The following AGBL1 variants were observed in gnomAD, a reference collection of about 807,000 sequenced individuals.
AGBL1 encodes cytosolic carboxypeptidase 4.
In AGBL1, 130 loss-of-function variants were observed where a neutral mutation model predicts 118.9. The ratio of observed to expected loss-of-function variants is 1.09; its 90% CI spans 0.95 to 1.26. AGBL1 has a LOEUF of 1.26. Among genes scored for constraint, AGBL1 ranks in the 50% most tolerant of loss-of-function variants. The probability of loss-of-function intolerance (pLI) is 0.00; values close to 1 mark genes in which losing one functional copy is unlikely to be tolerated. For missense variants in AGBL1, 1,584 were observed against 1,298.1 expected, an observed-to-expected ratio of 1.22 and a Z score of -3.38; for synonymous variants, 555 against 478.9, an observed-to-expected ratio of 1.16 and a Z score of -2.08.
chr15:86,724,376 A>T (rs2086787987), intron 22 of AGBL1, among the ~76,000 whole-genome samples: 1 of 151,668 alleles, frequency 6.6e-6, no homozygotes, highest in African/African-American at 2.4e-5. Context: ...GTGGATCTTG[A>T]AGTCCTCAAG....
chr15:86,231,564 G>T (rs1217101647), intron 6 of AGBL1, among the ~76,000 whole-genome samples: 1 of 152,226 alleles, frequency 6.6e-6, no homozygotes, highest in African/African-American at 2.4e-5. Flanking sequence ...TATCCATCAC[G>T]CTGTTGGTTT....
rs891264669 is a variant in AGBL1 at position 86,143,782 on chromosome 15, G to C, written c.199G>C (p.Ala67Pro). The part of the protein sequence containing the change: ...LQTLVDTART[A>P]PPDYDILLPL... The stretch of plus-strand genomic sequence containing the variant: ...GACCCTGGTAGACACAGCGAGGACA[G>C]CTCCTCCAGACTATGACATCCTCCT... Residue 67 changes from alanine to proline, a missense_variant, in exon 3 of 23, where the codon GCT becomes CCT. Coordinates refer to ENST00000614907, the MANE Select transcript of AGBL1 (RefSeq NM_001386094.1). 6.2e-6 allele frequency: 10 copies of C among 1,613,820 alleles called. No homozygotes were observed. The highest frequency in any genetic ancestry group is 1.1e-5 in the South Asian group (1 of 91,088).
At chr15:86,513,497 C>T (rs1567033910) in intron 18 of AGBL1, among the ~76,000 whole-genome samples, 1 of 151,994 alleles carries the variant, frequency 6.6e-6, no homozygotes, top group Non-Finnish European at 1.5e-5. Context: ...ACTTCTCCAT[C>T]ATAAAGTTAC....
chr15:86,455,892 T>C (rs1815669595), intron 18 of AGBL1, among the ~76,000 whole-genome samples: 1 of 152,130 alleles, frequency 6.6e-6, no homozygotes, highest in Admixed American at 6.6e-5. Flanking sequence ...TCATAGCCAT[T>C]ACCCTATACT....
At chr15:86,253,170 T>A (rs1028316328) in intron 7 of AGBL1, among the ~76,000 whole-genome samples, 6 of 152,002 alleles carry the variant, frequency 3.9e-5, no homozygotes, top group African/African-American at 1.2e-4. Context: ...TGAGATTGAG[T>A]TGGAGTCATG....
At chr15:86,901,106 T>G (rs4300620) in intron 22 of AGBL1, among the ~76,000 whole-genome samples, 32,897 of 152,052 alleles carry the variant, frequency 0.22, 3,992 homozygotes, top group African/African-American at 0.32. Context: ...TTATAAGAAT[T>G]CTTTAAATAG....
chr15:86,564,817 G>T lies in AGBL1; in HGVS notation c.2994+10280G>T, dbSNP rs572783492. 2.0e-5 allele frequency among the ~76,000 whole-genome samples: 3 copies of T among 152,220 alleles called. No homozygotes were observed. The South Asian group carries it at 6.2e-4, about 32-fold the overall frequency. On this transcript the variant is annotated intron_variant, in intron 21 of 22. Transcript: ENST00000614907. The stretch of plus-strand genomic sequence containing the variant: ...TCACATAGTCCCATATTTCTTGGAG[G>T]CTTTGTTTGTTTGTTTTCACTCTTT...
At chr15:86,967,957 A>G (rs1397318364) in intron 23 of AGBL1, among the ~76,000 whole-genome samples, 3 of 152,118 alleles carry the variant, frequency 2.0e-5, no homozygotes, top group Non-Finnish European at 4.4e-5. Context: ...CCTACCCATG[A>G]GCATAGAATG....
chr15:86,546,073 C>G lies in AGBL1; in HGVS notation c.2757C>G (p.Thr919=). Residue 919 remains threonine, a synonymous_variant, in exon 20 of 23, where the codon ACC becomes ACG. Coordinates refer to ENST00000614907, the MANE Select transcript of AGBL1 (RefSeq NM_001386094.1). ...VFLYGCSIKE[T]LWQAACTVGT... Reference sequence around the variant, plus strand: ...TTTATGGCTGTAGCATCAAGGAAACCTTGTGGCAAGCAGCATGCACTGTGG... The same window carrying G: ...TTTATGGCTGTAGCATCAAGGAAACGTTGTGGCAAGCAGCATGCACTGTGG... 6.2e-7 allele frequency: 1 copy of G among 1,613,394 alleles called. No homozygotes were observed. The highest frequency in any genetic ancestry group is 8.5e-7 in the Non-Finnish European group (1 of 1,179,586).
At chr15:86,527,500 A>G (rs1377879443) in intron 19 of AGBL1, among the ~76,000 whole-genome samples, 3 of 152,210 alleles carry the variant, frequency 2.0e-5, no homozygotes, top group East Asian at 3.8e-4. Context: ...TGGGCTCAAC[A>G]TCACCTTTTA....
intron 21 of AGBL1, among the ~76,000 whole-genome samples, chr15:86,590,268 T>G (rs114522816): frequency 1.3e-5 from 2 of 152,194 alleles, no homozygotes; most frequent in African/African-American, 4.8e-5. Flanking sequence ...TGAATTATAG[T>G]TCCCATAATC....
intron 18 of AGBL1, among the ~76,000 whole-genome samples, chr15:86,447,229 A>T (rs1195231861): frequency 1.3e-5 from 2 of 152,304 alleles, no homozygotes; most frequent in East Asian, 3.9e-4. Flanking sequence ...AGATAGATCC[A>T]CATTTGTACC....
At chr15:86,443,607 C>G (rs1209619988) in intron 18 of AGBL1, among the ~76,000 whole-genome samples, 1 of 152,126 alleles carries the variant, frequency 6.6e-6, no homozygotes, top group Non-Finnish European at 1.5e-5. Flanking sequence ...CCCCCTTTGC[C>G]CTTACCCTTC....
intron 1 of AGBL1, among the ~76,000 whole-genome samples, chr15:86,093,240 A>G (rs911828515): frequency 6.6e-6 from 1 of 152,166 alleles, no homozygotes; most frequent in Non-Finnish European, 1.5e-5. Context: ...GACCCAGAAA[A>G]TTTGAAGACT....
In AGBL1 at chr15:86,668,003, G is replaced by A. The variant is rs565108937; in HGVS notation, c.2995-6270G>A. Among the ~76,000 whole-genome samples the A allele has an allele frequency of 5.9e-5, 9 of 152,252 alleles. No homozygotes were observed. The East Asian group carries it at 7.7e-4, about 13-fold the overall frequency. ...CTTTCCCTCATGGCAGAGGTGAAGCGGGAGCAGGCATGTCACATGGTGAGA... is the reference window on the plus strand; with the variant it reads ...CTTTCCCTCATGGCAGAGGTGAAGCAGGAGCAGGCATGTCACATGGTGAGA... On this transcript the variant is annotated intron_variant, in intron 21 of 22. Coordinates refer to ENST00000614907, the MANE Select transcript of AGBL1 (RefSeq NM_001386094.1).
chr15:86,709,347 A>C (rs1363741245), intron 22 of AGBL1, among the ~76,000 whole-genome samples: 1 of 150,362 alleles, frequency 6.7e-6, no homozygotes, highest in East Asian at 2.0e-4. Context: ...GGAATTTTTC[A>C]AAAAGCAGGT....
intron 1 of AGBL1, among the ~76,000 whole-genome samples, chr15:86,137,372 T>C (rs1466448058): frequency 6.6e-6 from 1 of 152,174 alleles, no homozygotes; most frequent in Non-Finnish European, 1.5e-5. Flanking sequence ...CCACAGTACT[T>C]GGGAAGAGAG....
chr15:86,528,148 C>T (rs1475178614), intron 19 of AGBL1, among the ~76,000 whole-genome samples: 2 of 152,184 alleles, frequency 1.3e-5, no homozygotes, highest in African/African-American at 4.8e-5. Context: ...CAGCTCCCAG[C>T]GTGAGCGACG....
At chr15:86,857,792 G>A (rs1336950921) in intron 22 of AGBL1, among the ~76,000 whole-genome samples, 4 of 152,192 alleles carry the variant, frequency 2.6e-5, no homozygotes, top group Admixed American at 2.6e-4. Context: ...GAACCTAGAA[G>A]GTCTCAATAA....
Sources: allele counts gnomAD v4.1 joint callset (sites outside exome capture counted in the v4.1 genomes callset), GRCh38; gene constraint gnomAD v4.1.1; transcripts MANE v1.5; gene names NCBI Gene and HGNC (gene_info 2026-07-23, HGNC 2026-07-21).